The following PIK3R1 variants were observed in gnomAD, a reference collection of about 807,000 sequenced individuals.
PIK3R1 encodes the protein phosphoinositide-3-kinase regulatory subunit 1.
In PIK3R1, 29 loss-of-function variants were observed where a neutral mutation model predicts 98.0. The ratio of observed to expected loss-of-function variants is 0.30; its 90% CI spans 0.22 to 0.40. PIK3R1 has a LOEUF of 0.40. PIK3R1 is among the 10% of genes least tolerant of loss of function. The probability of loss-of-function intolerance (pLI) is 1.00; values close to 1 mark genes in which losing one functional copy is unlikely to be tolerated. For synonymous variants in PIK3R1, 282 were observed against 311.8 expected, an observed-to-expected ratio of 0.90 and a Z score of 1.01; for missense variants, 596 against 872.7, an observed-to-expected ratio of 0.68 and a Z score of 3.99.
In PIK3R1 at chr5:68,247,178, G is replaced by T. The variant is rs1009309331; in HGVS notation, c.334+20169G>T. 1.8e-3 allele frequency among the ~76,000 whole-genome samples: 272 copies of T among 152,292 alleles called. 1 individual carries two copies. The highest frequency in any genetic ancestry group is 2.6e-3 in the Non-Finnish European group (176 of 68,018). ...TGAATTTATCATGGCTCATCTCTAAGTCATAATAGTTTTTTGAGTAGAGGA... is the reference window on the plus strand; with the variant it reads ...TGAATTTATCATGGCTCATCTCTAATTCATAATAGTTTTTTGAGTAGAGGA... On this transcript the variant is annotated intron_variant, in intron 2 of 15. Coordinates refer to ENST00000521381, the MANE Select transcript of PIK3R1 (RefSeq NM_181523.3).
intron 2 of PIK3R1, among the ~76,000 whole-genome samples, chr5:68,238,185 C>A (rs1744736089): frequency 6.6e-6 from 1 of 152,182 alleles, no homozygotes; most frequent in Admixed American, 6.5e-5. Context: ...TCAGGCTAAC[C>A]AAAACCATGT....
chr5:68,259,539 G>T (rs1435804605), intron 2 of PIK3R1, among the ~76,000 whole-genome samples: 1 of 152,202 alleles, frequency 6.6e-6, no homozygotes, highest in African/African-American at 2.4e-5. Context: ...CTATCACCAT[G>T]GGCGTGAGGA....
At chr5:68,238,900 T>G (rs1036392008) in intron 2 of PIK3R1, among the ~76,000 whole-genome samples, 1 of 152,082 alleles carries the variant, frequency 6.6e-6, no homozygotes, top group African/African-American at 2.4e-5. Context: ...TTAAAGTACC[T>G]TGCCAAAATA....
At chr5:68,290,606 G>A (rs561679368) in intron 7 of PIK3R1, 5 of 1,351,932 alleles carry the variant, frequency 3.7e-6, no homozygotes, top group Admixed American at 3.3e-5. Context: ...TGGCTGGGGC[G>A]TGTGATGTAA....
rs1219215626 is a variant in PIK3R1, at chr5:68,301,453, T to C, written c.*3852T>C. On this transcript the variant is annotated 3_prime_UTR_variant, in exon 16 of 16. Coordinates refer to ENST00000521381, the MANE Select transcript of PIK3R1 (RefSeq NM_181523.3). ...ATATATGTGTGTGTATATATATATATATGTGTATATATATATGTATATACA... is the reference window on the plus strand; with the variant it reads ...ATATATGTGTGTGTATATATATATACATGTGTATATATATATGTATATACA... The C allele has an allele frequency of 7.7e-6, 1 of 129,922 alleles. No individual in the cohort carries two copies. Among genetic ancestry groups the C allele is most frequent in the Admixed American group, 7.8e-5 (1 of 12,792 alleles). 8.0% of individuals were successfully genotyped at this position (129,922 alleles called of 1,614,324 possible).
intron 2 of PIK3R1, among the ~76,000 whole-genome samples, chr5:68,242,582 C>A (rs1175166176): frequency 2.0e-5 from 3 of 152,122 alleles, no homozygotes; most frequent in African/African-American, 7.2e-5. Context: ...ATATGGCTTG[C>A]CACCAGGACA....
At position 68,225,272 on chromosome 5, in the gene PIK3R1, G is replaced by C. The variant is rs1381842096; in HGVS notation, c.-386-1018G>C. On this transcript the variant is annotated intron_variant, in intron 1 of 15. Transcript: ENST00000521381. ...TTTAACTTTTGATTTGTCCTTGTGA[G>C]CTCTTCCATTCCATTGAATTCAGCC... Among the ~76,000 whole-genome samples the C allele has an allele frequency of 2.7e-5, 4 of 150,924 alleles. No homozygotes were observed. In the East Asian group the frequency reaches 5.8e-4, roughly 22 times the overall value.
Position 68,280,978 on chromosome 5 carries a change from T to A in PIK3R1, c.888T>A (p.Thr296=). ...AAGTTATAGAAATTTTAATCTCAACTGAATGGAATGAACGACAGCCTGCAC... is the reference window on the plus strand; with the variant it reads ...AAGTTATAGAAATTTTAATCTCAACAGAATGGAATGAACGACAGCCTGCAC... ...LIKVIEILIS[T]EWNERQPAPA... The change falls in exon 7 of 16, where the codon ACT becomes ACA. Residue 296 remains threonine, a synonymous_variant. Coordinates refer to ENST00000521381, the MANE Select transcript of PIK3R1 (RefSeq NM_181523.3). 6.2e-7 allele frequency: 1 copy of A among 1,606,258 alleles called. No homozygotes were observed. The highest frequency in any genetic ancestry group is 8.5e-7 in the Non-Finnish European group (1 of 1,175,252).
intron 7 of PIK3R1, chr5:68,288,580 CTCCTGCG>C (rs1367217161): frequency 6.5e-7 from 1 of 1,528,008 alleles, no homozygotes; most frequent in African/African-American, 1.4e-5. Flanking sequence ...GGCGCCCCCG[CTCCTGCG>C]CGCACTCTCG....
chr5:68,240,607 C>CAG (rs1418603787), intron 2 of PIK3R1, among the ~76,000 whole-genome samples: 3 of 152,202 alleles, frequency 2.0e-5, no homozygotes, highest in South Asian at 2.1e-4. Flanking sequence ...CCTGAGTCTG[C>CAG]AGCAGACTCT....
chr5:68,274,038 C>CA (rs759976873), intron 4 of PIK3R1, 25 bp downstream of exon 4: 1 of 1,575,352 alleles, frequency 6.3e-7, no homozygotes, highest in Non-Finnish European at 8.7e-7. Flanking sequence ...GCTAGAAATG[C>CA]AAATGGGAAA....
intron 1 of PIK3R1, among the ~76,000 whole-genome samples, chr5:68,218,129 G>T (rs889046793): frequency 6.6e-6 from 1 of 152,192 alleles, no homozygotes; most frequent in African/African-American, 2.4e-5. Flanking sequence ...TATACTAAGC[G>T]CAGGAAATCC....
At chr5:68,237,796 G>A (rs17317833) in intron 2 of PIK3R1, among the ~76,000 whole-genome samples, 15,561 of 152,024 alleles carry the variant, frequency 0.1, 924 homozygotes, top group Non-Finnish European at 0.14. Flanking sequence ...CAACAGAACC[G>A]GGGTTAAAAA....
chr5:68,264,597 A>G (rs1309255644), intron 2 of PIK3R1, among the ~76,000 whole-genome samples: 2 of 152,234 alleles, frequency 1.3e-5, no homozygotes, highest in East Asian at 3.8e-4. Context: ...AGTGTTCACT[A>G]CATGGGAATT....
chr5:68,235,448 T>A (rs974449080), intron 2 of PIK3R1, among the ~76,000 whole-genome samples: 3 of 146,676 alleles, frequency 2.0e-5, no homozygotes, highest in Admixed American at 6.7e-5. Context: ...AAATAAATAA[T>A]TTTCAATGCT....
At chr5:68,269,828 T>A (rs1746271966) in intron 2 of PIK3R1, among the ~76,000 whole-genome samples, 1 of 151,944 alleles carries the variant, frequency 6.6e-6, no homozygotes, top group Admixed American at 6.6e-5. Flanking sequence ...AAAGAGGAAA[T>A]GGATTGACTC....
At chr5:68,233,645 C>G (rs752004569) in intron 2 of PIK3R1, among the ~76,000 whole-genome samples, 7 of 151,902 alleles carry the variant, frequency 4.6e-5, no homozygotes, top group Non-Finnish European at 8.8e-5. Context: ...ACAAACAGTA[C>G]GTGGAATTGT....
intron 15 of PIK3R1, 99 bp from the exon 16 acceptor site, chr5:68,297,313 T>TTGAGACTGCACAATAATGCTTTTTA: frequency 9.5e-7 from 1 of 1,055,124 alleles, no homozygotes; most frequent in Non-Finnish European, 1.4e-6. Context: ...TTTCCCCAAG[T>TTGAGACTGCACAATAATGCTTTTTA]TGAGACTGCA....
At chr5:68,235,437 TA>T (rs1744630706) in intron 2 of PIK3R1, among the ~76,000 whole-genome samples, 2 of 150,398 alleles carry the variant, frequency 1.3e-5, no homozygotes, top group South Asian at 2.1e-4. Context: ...AATAAATAAA[TA>T]AATAAATAAT....
Sources: allele counts gnomAD v4.1 joint callset (sites outside exome capture counted in the v4.1 genomes callset), GRCh38; gene constraint gnomAD v4.1.1; transcripts MANE v1.5; gene names NCBI Gene and HGNC (gene_info 2026-07-23, HGNC 2026-07-21).